The following ZC3H6 variants were observed in gnomAD, a reference collection of about 807,000 sequenced individuals.
ZC3H6 encodes the protein zinc finger CCCH-type containing 6.
ZC3H6 carries 40 observed loss-of-function variants against 107.7 expected under a neutral mutation model. That is an observed-to-expected ratio of 0.37 (90% confidence interval 0.29 to 0.48). The LOEUF (loss-of-function observed/expected upper bound fraction) is 0.48, where lower values mean the gene tolerates loss of function less well. Ranked by LOEUF, ZC3H6 falls within the 20% of genes least tolerant of loss-of-function variation. ZC3H6 has a pLI of 0.98. For synonymous variants in ZC3H6, 493 were observed against 487.9 expected (o/e 1.01, Z -0.14); for missense variants, 1,267 against 1,410.4 (o/e 0.90, Z 1.63).
At chr2:112,296,025 T>C (rs1208833317) in intron 1 of ZC3H6, among the ~76,000 whole-genome samples, 3 of 152,148 alleles carry the variant, frequency 2.0e-5, no homozygotes, top group African/African-American at 7.2e-5. Flanking sequence ...TTTTTTGTCA[T>C]TTGTGTTTTA....
chr2:112,312,601 G>A (rs754000705), intron 5 of ZC3H6, among the ~76,000 whole-genome samples: 1 of 152,114 alleles, frequency 6.6e-6, no homozygotes, highest in Non-Finnish European at 1.5e-5. Flanking sequence ...AGTGGCTCAC[G>A]CCCGTAATCC....
intron 11 of ZC3H6, among the ~76,000 whole-genome samples, chr2:112,327,836 T>G (rs897749563): frequency 5.9e-5 from 9 of 152,162 alleles, no homozygotes; most frequent in African/African-American, 2.2e-4. Context: ...ATGGGTTTCT[T>G]TCTGGGTTCT....
chr2:112,331,930 T>C lies in ZC3H6; in HGVS notation c.3012T>C (p.Gly1004=). The C allele has an allele frequency of 1.2e-6, 2 of 1,613,960 alleles. No individual in the cohort carries two copies. The highest frequency in any genetic ancestry group is 1.7e-6 in the Non-Finnish European group (2 of 1,179,884). Residue 1004 remains glycine (G), a synonymous_variant, in exon 12 of 12, where the codon GGT becomes GGC. Transcript: ENST00000409871. ...CTCACTTACCCAGATCAAACCCTGG[T>C]TCATCACAGCCCTCAGGGGCAGGAA... ...GAPHLPRSNP[G]SSQPSGAGTS...
rs1297482242 is a variant in ZC3H6 at position 112,331,062 on chromosome 2, C to T, written c.2144C>T (p.Ser715Leu). ...GAGGAAGAAGGAAGCAGTGTCAAAT[C>T]AATACTGAAAACATTACAGAAACAA... ...SEEEEGSSVK[S>L]ILKTLQKQTE... Residue 715 changes from serine (S) to leucine (L), a missense_variant, in exon 12 of 12, where the codon TCA (serine) becomes TTA (leucine). By Grantham distance (145) the Ser-to-Leu change is moderately radical. This residue lies in a region of ZC3H6 where 925 missense variants were observed against 1,025.7 expected (regional missense o/e 0.90). Coordinates refer to ENST00000409871, the MANE Select transcript of ZC3H6 (RefSeq NM_198581.3). 2 of 1,584,500 alleles carry T rather than the reference C, an allele frequency of 1.3e-6. No individual in the cohort carries two copies. The highest frequency in any genetic ancestry group is 1.7e-6 in the Non-Finnish European group (2 of 1,165,446).
chr2:112,316,348 A>G (rs1038566703), intron 5 of ZC3H6, 122 bp from the exon 6 acceptor site: 2 of 635,790 alleles, frequency 3.1e-6, no homozygotes, highest in Middle Eastern at 3.8e-4. Context: ...TAGCATCAGA[A>G]TGTTCAATCT....
In ZC3H6 at chr2:112,324,132, A is replaced by G; in HGVS notation, c.1341-20A>G. 1 of 1,531,858 alleles carries G rather than the reference A, an allele frequency of 6.5e-7. No homozygotes were observed. The allele number at this position is 1,531,858 out of a possible 1,614,324, so 94.9% of individuals were successfully genotyped here. A position where few individuals can be genotyped will look rare whatever the true frequency, so the allele number is the denominator to read the frequency against. On this transcript the variant is annotated intron_variant, in intron 9 of 11. Coordinates refer to ENST00000409871, the MANE Select transcript of ZC3H6 (RefSeq NM_198581.3). ...TTTCTTTTTCTTTGAACTAAGAAATATTATTATTTCTGTCTACAGGCCACC... is the reference window on the plus strand; with the variant it reads ...TTTCTTTTTCTTTGAACTAAGAAATGTTATTATTTCTGTCTACAGGCCACC...
intron 3 of ZC3H6, among the ~76,000 whole-genome samples, chr2:112,303,875 A>C (rs1410776428): frequency 6.6e-6 from 1 of 152,210 alleles, no homozygotes; most frequent in African/African-American, 2.4e-5. Context: ...GGTATTCAAA[A>C]ATCTTTTTAA....
intron 7 of ZC3H6, 98 bp downstream of exon 7, chr2:112,317,430 T>G: frequency 1.5e-6 from 1 of 662,342 alleles, no homozygotes; most frequent in Non-Finnish European, 2.4e-6. Flanking sequence ...AAAGCCTAGT[T>G]TGGTTTTAAA....
intron 8 of ZC3H6, among the ~76,000 whole-genome samples, chr2:112,322,340 G>GC (rs1414624167): frequency 3.4e-5 from 5 of 145,592 alleles, no homozygotes; most frequent in African/African-American, 1.3e-4. Flanking sequence ...GCCCTGCACC[G>GC]CCCCCCACCC....
chr2:112,331,907 CACTT>C lies in ZC3H6; in HGVS notation c.2992_2995del (p.Leu998ProfsTer64), dbSNP rs1249322557. The C allele has an allele frequency of 3.7e-6, 6 of 1,613,868 alleles. No homozygotes were observed. The highest frequency in any genetic ancestry group is 1.1e-5 in the South Asian group (1 of 91,082). Reference sequence around the variant, plus strand: ...TTCACATGCATCAAAGGGTGCCCCTCACTTACCCAGATCAAACCCTGGTTCATCA... The same window carrying C: ...TTCACATGCATCAAAGGGTGCCCCTCACCCAGATCAAACCCTGGTTCATCA... On this transcript the variant is annotated frameshift_variant, in exon 12 of 12. Transcript: ENST00000409871. LOFTEE classifies it high-confidence loss of function.
intron 1 of ZC3H6, chr2:112,286,143 A>G (rs1419794930): frequency 4.9e-6 from 2 of 410,788 alleles, no homozygotes; most frequent in Non-Finnish European, 9.3e-6. Context: ...AAAACATAAT[A>G]CCAGAAGAAG....
chr2:112,288,219 T>A (rs908310589), intron 1 of ZC3H6, among the ~76,000 whole-genome samples: 7 of 151,502 alleles, frequency 4.6e-5, no homozygotes, highest in Non-Finnish European at 7.4e-5. Context: ...TTTTTTTTTT[T>A]AAACCTATTC....
intron 1 of ZC3H6, among the ~76,000 whole-genome samples, chr2:112,289,212 G>T: frequency 6.6e-6 from 1 of 151,686 alleles, no homozygotes; most frequent in East Asian, 1.9e-4. Flanking sequence ...CACCATGTTG[G>T]CCAGGCTGGT....
At chr2:112,299,169 T>C (rs1470893901) in intron 1 of ZC3H6, among the ~76,000 whole-genome samples, 5 of 150,022 alleles carry the variant, frequency 3.3e-5, no homozygotes, top group Non-Finnish European at 7.4e-5. Context: ...CCCAGCTACT[T>C]GGGAGGCTGA....
rs111981068 is a variant in ZC3H6 at position 112,286,156 on chromosome 2, G to C, written c.32+10130G>C. On this transcript the variant is annotated intron_variant, in intron 1 of 11. Coordinates refer to ENST00000409871, the MANE Select transcript of ZC3H6 (RefSeq NM_198581.3). ...TAAAAACATAATACCAGAAGAAGAG[G>C]GGCCCAATTCCACACAGAGCTCCCA... is the stretch of plus-strand genomic sequence containing the variant. The C allele has an allele frequency of 1.7e-3, 727 of 416,992 alleles. 6 individuals are homozygous for C. Among genetic ancestry groups the C allele is most frequent in the African/African-American group, 0.014 (663 of 47,316 alleles). The allele number at this position is 416,992 out of a possible 1,614,324, so 25.8% of individuals were successfully genotyped here.
chr2:112,324,444 C>T lies in ZC3H6; in HGVS notation c.1633C>T (p.Pro545Ser). Residue 545 changes from proline to serine, a missense_variant, in exon 10 of 12, where the codon CCA becomes TCA. Physicochemically the swap from Pro to Ser is moderately conservative, Grantham distance 74 (BLOSUM62 -1). This residue lies in a region of ZC3H6 where 925 missense variants were observed against 1,025.7 expected (regional missense o/e 0.90). Coordinates refer to ENST00000409871, the MANE Select transcript of ZC3H6 (RefSeq NM_198581.3). ...TCAACCAGACACATCTTTGACACCA[C>T]CAAGTATGGGTGGGGCTTACCACTC... ...LVQPDTSLTP[P>S]SMGGAYHSPG... is the part of the protein sequence containing the mutation. 1 of 1,613,998 alleles carries T rather than the reference C, an allele frequency of 6.2e-7. No individual in the cohort carries two copies. The highest frequency in any genetic ancestry group is 8.5e-7 in the Non-Finnish European group (1 of 1,179,888).
intron 7 of ZC3H6, among the ~76,000 whole-genome samples, chr2:112,318,213 T>A (rs571486807): frequency 6.6e-6 from 1 of 152,338 alleles, no homozygotes; most frequent in South Asian, 2.1e-4. Flanking sequence ...AATGGAACGA[T>A]GTAATTACCA....
intron 6 of ZC3H6, 58 bp downstream of exon 6, chr2:112,316,644 A>G: frequency 8.5e-7 from 1 of 1,173,564 alleles, no homozygotes; most frequent in Non-Finnish European, 1.2e-6. Context: ...TTTAAAATTA[A>G]AGTCTTTTGG....
chr2:112,289,025 T>C (rs1250107782), intron 1 of ZC3H6, among the ~76,000 whole-genome samples: 3 of 127,304 alleles, frequency 2.4e-5, no homozygotes, highest in Admixed American at 2.3e-4. Flanking sequence ...CTGACTTTGA[T>C]GAGCTGAACT....
Sources: gnomAD v4.1 joint callset for allele counts (sites outside exome capture counted in the v4.1 genomes callset) on GRCh38, gnomAD v4.1.1 for gene constraint, gnomAD v4.1.1 regional missense constraint, MANE v1.5 for transcripts, NCBI Gene and HGNC (gene_info 2026-07-23, HGNC 2026-07-21) for gene names.